Variants in ABCF1 observed in about 807,000 individuals in gnomAD.
ABCF1 encodes the protein ATP binding cassette subfamily F member 1.
A neutral mutation model predicts 126.3 loss-of-function variants in ABCF1; 73 were observed. The ratio of observed to expected loss-of-function variants is 0.58; its 90% CI spans 0.48 to 0.70. The LOEUF (loss-of-function observed/expected upper bound fraction) is 0.70. Ranked by LOEUF, ABCF1 falls within the 30% of genes least tolerant of loss-of-function variation. The pLI is 0.00. For synonymous variants in ABCF1, 345 were observed against 396.4 expected (o/e 0.87, Z 1.54); for missense variants, 786 against 1,057.5 (o/e 0.74, Z 3.56).
intron 6 of ABCF1, 142 bp from the exon 7 acceptor site, chr6:30,579,789 G>A: frequency 1.5e-6 from 1 of 669,852 alleles, no homozygotes; most frequent in South Asian, 2.7e-5. Context: ...GTTTCTGGTG[G>A]GTTTATCGGG....
At chr6:30,578,255 G>C (rs1412412248) in intron 4 of ABCF1, 53 bp downstream of exon 4, 1 of 1,613,570 alleles carries the variant, frequency 6.2e-7, no homozygotes, top group Admixed American at 1.7e-5. Flanking sequence ...CATGGAGAGT[G>C]ATACCTCATA....
At chr6:30,580,878 G>A (rs994399220) in intron 8 of ABCF1, among the ~76,000 whole-genome samples, 1 of 151,828 alleles carries the variant, frequency 6.6e-6, no homozygotes, top group African/African-American at 2.4e-5. Context: ...GTCTCACTAT[G>A]TTGCTCAGGC....
At position 30,577,817 on chromosome 6, in the gene ABCF1, G is replaced by A. The variant is rs1706307575; in HGVS notation, c.121-1G>A. On this transcript the variant is annotated splice_acceptor_variant, in intron 2 of 24. Transcript: ENST00000326195. LOFTEE classifies it high-confidence loss of function. The stretch of plus-strand genomic sequence containing the variant: ...TACCTGTAGCTTAACTCCCTTTATA[G>A]TTCTTTGAAGAGCTGGCAGTAGAAG... 6.2e-7 allele frequency: 1 copy of A among 1,613,682 alleles called. No homozygotes were observed. The highest frequency in any genetic ancestry group is 8.5e-7 in the Non-Finnish European group (1 of 1,179,974).
At chr6:30,580,977 C>A (rs749257288) in intron 8 of ABCF1, among the ~76,000 whole-genome samples, 22 of 151,988 alleles carry the variant, frequency 1.4e-4, no homozygotes, top group Non-Finnish European at 2.5e-4. Flanking sequence ...TGCCAGCCAG[C>A]AAACTTTTTC....
intron 15 of ABCF1, 32 bp downstream of exon 15, chr6:30,585,375 A>C (rs906047389): frequency 6.2e-7 from 1 of 1,606,192 alleles, no homozygotes; most frequent in Non-Finnish European, 8.5e-7. Flanking sequence ...ATTGGTTCCC[A>C]TTCTGCACTT....
rs754017026 is a variant in ABCF1 at position 30,577,911 on chromosome 6, C to T, written c.214C>T (p.Gln72Ter). The T allele has an allele frequency of 6.2e-7, 1 of 1,613,930 alleles. No individual in the cohort carries two copies. The highest frequency in any genetic ancestry group is 1.1e-5 in the South Asian group (1 of 91,082). Reference protein sequence around the residue: ...KEQQQQQQQQQQKKKRDTRKG... With the variant: ...KEQQQQQQQQ Reference sequence around the variant, plus strand: ...GCAGCAGCAGCAGCAACAGCAACAGCAGGTACAAGTGCCACAGGGCCCACC... The same window carrying T: ...GCAGCAGCAGCAGCAACAGCAACAGTAGGTACAAGTGCCACAGGGCCCACC... The change falls in exon 3 of 25, where the codon CAG becomes TAG. Residue 72 changes from glutamine (Q) to a stop codon, truncating the protein, a stop_gained and splice_region_variant. Coordinates refer to ENST00000326195, the MANE Select transcript of ABCF1 (RefSeq NM_001025091.2). LOFTEE classifies it high-confidence loss of function.
chr6:30,582,519 G>T lies in ABCF1; in HGVS notation c.792+12G>T, dbSNP rs1379059353. 3 of 1,612,036 alleles carry T rather than the reference G, an allele frequency of 1.9e-6. No individual in the cohort carries two copies. Among genetic ancestry groups the T allele is most frequent in the Non-Finnish European group, 1.7e-6 (2 of 1,179,738 alleles). ...AGCTGAAAAAACAGGTAAGACCTTG[G>T]TTCTTAGCGGTCAAAAGTAGGGGAT... is the stretch of plus-strand genomic sequence containing the variant. On this transcript the variant is annotated intron_variant, in intron 9 of 24. Transcript: ENST00000326195.
intron 22 of ABCF1, 45 bp downstream of exon 22, chr6:30,590,019 C>G: frequency 6.2e-7 from 1 of 1,607,732 alleles, no homozygotes; most frequent in Non-Finnish European, 8.5e-7. Context: ...CCTTATCATT[C>G]ATGTCTACAA....
Position 30,578,193 on chromosome 6 carries a change from G to A in ABCF1, c.334G>A (p.Glu112Lys). The A allele has an allele frequency of 1.9e-6, 3 of 1,613,950 alleles. No individual in the cohort carries two copies. Among genetic ancestry groups the A allele is most frequent in the Non-Finnish European group, 1.7e-6 (2 of 1,179,988 alleles). The stretch of plus-strand genomic sequence containing the variant: ...GCTCTCAGTGCCAACCAGTGATGAG[G>A]AGGATGAAGGTAAATGACCTGAGGG... The part of the protein sequence containing the change: ...KKLSVPTSDE[E>K]DEVPAPKPRG... The change falls in exon 4 of 25, where the codon GAG (glutamate) becomes AAG (lysine). Residue 112 changes from glutamate (E) to lysine (K), a missense_variant. Coordinates refer to ENST00000326195, the MANE Select transcript of ABCF1 (RefSeq NM_001025091.2).
chr6:30,585,121 A>ATTT, intron 14 of ABCF1, 139 bp from the exon 15 acceptor site: 2 of 779,834 alleles, frequency 2.6e-6, no homozygotes, highest in South Asian at 3.0e-5. Context: ...ATTAAACCGT[A>ATTT]TCCTGCCCGA....
chr6:30,576,402 C>G (rs1328577867), intron 1 of ABCF1, among the ~76,000 whole-genome samples: 2 of 145,136 alleles, frequency 1.4e-5, no homozygotes, highest in Non-Finnish European at 3.0e-5. Context: ...ATTCTCCTGT[C>G]TTAGCCTCCT....
At chr6:30,582,241 A>G (rs1416049274) in intron 8 of ABCF1, among the ~76,000 whole-genome samples, 153 bp from the exon 9 acceptor site, 1 of 152,012 alleles carries the variant, frequency 6.6e-6, no homozygotes, top group Admixed American at 6.6e-5. Flanking sequence ...TATTTTTAGT[A>G]GAGATGGGGT....
Position 30,585,555 on chromosome 6 carries a change from C to T in ABCF1, c.1476-3C>T, listed in dbSNP as rs984420894. 2 of 1,612,934 alleles carry T rather than the reference C, an allele frequency of 1.2e-6. No homozygotes were observed. The highest frequency in any genetic ancestry group is 1.7e-6 in the Non-Finnish European group (2 of 1,179,998). Reference sequence around the variant, plus strand: ...CACTTACACCCTGTTCTCTGAAACCCAGCTACCTCCAGGGCTGGCGGAAGA... The same window carrying T: ...CACTTACACCCTGTTCTCTGAAACCTAGCTACCTCCAGGGCTGGCGGAAGA... On this transcript the variant is annotated splice_region_variant and splice_polypyrimidine_tract_variant and intron_variant, in intron 15 of 24. Transcript: ENST00000326195.
chr6:30,578,599 G>T, intron 6 of ABCF1, 22 bp downstream of exon 6: 1 of 1,601,770 alleles, frequency 6.2e-7, no homozygotes, highest in Non-Finnish European at 8.5e-7. Flanking sequence ...GGCTCGATCA[G>T]TCACTCTCAC....
rs1802159706 is a variant in ABCF1 at position 30,586,786 on chromosome 6, G to C, written c.2031+75G>C. 1 of 1,510,370 alleles carries C rather than the reference G, an allele frequency of 6.6e-7. No individual in the cohort carries two copies. The highest frequency in any genetic ancestry group is 9.2e-7 in the Non-Finnish European group (1 of 1,091,934). The allele number at this position is 1,510,370 out of a possible 1,614,324, so 93.6% of individuals were successfully genotyped here. Reference sequence around the variant, plus strand: ...CTGCTTTTGCCAGAAGCTGGAATCAGGGAGCCTCTCGAGAATGTAGAGTTA... The same window carrying C: ...CTGCTTTTGCCAGAAGCTGGAATCACGGAGCCTCTCGAGAATGTAGAGTTA... On this transcript the variant is annotated intron_variant, in intron 20 of 24. Coordinates refer to ENST00000326195, the MANE Select transcript of ABCF1 (RefSeq NM_001025091.2). The surrounding 1 kb of genome is among the most constrained non-coding windows in gnomAD (Gnocchi z 4.9).
rs1012488990 is a variant in ABCF1 at position 30,574,698 on chromosome 6, C to A, written c.74-2711C>A. On this transcript the variant is annotated intron_variant, in intron 1 of 24. Transcript: ENST00000326195. This position sits in a 1 kb window ranked among gnomAD's most constrained non-coding sequence, Gnocchi z 4.3. ...CCAATACTGGGCTCAGATTTTTTTT[C>A]TTTAACTTTTTTGTTTGTTTTTTGT... is the stretch of plus-strand genomic sequence containing the variant. Among the ~76,000 whole-genome samples the A allele has an allele frequency of 6.6e-6, 1 of 152,022 alleles. No homozygotes were observed. The highest frequency in any genetic ancestry group is 1.5e-5 in the Non-Finnish European group (1 of 67,988).
intron 1 of ABCF1, among the ~76,000 whole-genome samples, chr6:30,575,071 CTTTT>C (rs958476559): frequency 7.7e-6 from 1 of 129,798 alleles, no homozygotes; most frequent in Non-Finnish European, 1.7e-5. Flanking sequence ...GACTTTTTTT[CTTTT>C]TTTTTTTTTT....
chr6:30,588,509 G>A (rs1381681776), intron 20 of ABCF1, among the ~76,000 whole-genome samples: 4 of 151,958 alleles, frequency 2.6e-5, no homozygotes, highest in South Asian at 2.1e-4. Flanking sequence ...CAACAGGCGC[G>A]TGCTACCACG....
At chr6:30,589,306 C>G (rs984241023) in intron 20 of ABCF1, 12 of 268,342 alleles carry the variant, frequency 4.5e-5, no homozygotes, top group Non-Finnish European at 7.1e-6. Context: ...GTGCCCAGCC[C>G]CTATTCCTTT....
Sources: allele counts gnomAD v4.1 joint callset (sites outside exome capture counted in the v4.1 genomes callset), GRCh38; gene constraint gnomAD v4.1.1; non-coding constraint Gnocchi (gnomAD v3.1); transcripts MANE v1.5; gene names NCBI Gene and HGNC (gene_info 2026-07-23, HGNC 2026-07-21).